The following TRAPPC10 variants were observed in gnomAD, a reference collection of about 807,000 sequenced individuals.
TRAPPC10 encodes trafficking protein particle complex subunit 10, also known as TRAPP 130 kDa subunit.
In TRAPPC10, 23 loss-of-function variants were observed where a neutral mutation model predicts 125.5. That is an observed-to-expected ratio of 0.18 (90% confidence interval 0.13 to 0.26). The LOEUF (loss-of-function observed/expected upper bound fraction) is 0.26, where lower values mean the gene tolerates loss of function less well. Ranked by LOEUF, TRAPPC10 falls within the 10% of genes least tolerant of loss-of-function variation. TRAPPC10 has a pLI of 1.00. For missense variants in TRAPPC10, 1,123 were observed against 1,308.4 expected, an observed-to-expected ratio of 0.86 and a Z score of 2.19; for synonymous variants, 509 against 518.0, an observed-to-expected ratio of 0.98 and a Z score of 0.24.
At chr21:44,047,847 A>G (rs558192836) in intron 3 of TRAPPC10, among the ~76,000 whole-genome samples, 1 of 152,276 alleles carries the variant, frequency 6.6e-6, no homozygotes, top group African/African-American at 2.4e-5. Context: ...TCTTCAACAT[A>G]TGAAATAACT....
intron 1 of TRAPPC10, among the ~76,000 whole-genome samples, chr21:44,015,058 CTAAT>C (rs1319085196): frequency 6.6e-6 from 1 of 152,146 alleles, no homozygotes; most frequent in African/African-American, 2.4e-5. Context: ...CACCCAGAGG[CTAAT>C]TAACCCTTAA....
intron 1 of TRAPPC10, among the ~76,000 whole-genome samples, chr21:44,031,078 G>T (rs776187749): frequency 2.0e-5 from 3 of 152,158 alleles, no homozygotes; most frequent in Non-Finnish European, 2.9e-5. Context: ...GGTTACCAGC[G>T]CCTTGCCCAC....
Position 44,056,671 on chromosome 21 carries a change from C to T in TRAPPC10, c.678+778C>T, listed in dbSNP as rs572008805. On this transcript the variant is annotated intron_variant, in intron 5 of 22. Transcript: ENST00000291574. ...TAAAGGGACATTAGACAACATAGCT[C>T]TCTTCAAGGGTGCCACGGCAGTGAA... Among the ~76,000 whole-genome samples, 5 of 152,316 alleles carry T rather than the reference C, an allele frequency of 3.3e-5. No individual in the cohort carries two copies. The East Asian group carries it at 9.6e-4, about 29-fold the overall frequency.
chr21:44,079,480 G>A, intron 11 of TRAPPC10, 84 bp from the exon 12 acceptor site: 1 of 1,484,640 alleles, frequency 6.7e-7, no homozygotes, highest in Non-Finnish European at 9.0e-7. Context: ...TCTGGAGGAT[G>A]GAGGCCAAAG....
intron 1 of TRAPPC10, among the ~76,000 whole-genome samples, chr21:44,031,341 C>T (rs1347013291): frequency 6.6e-6 from 1 of 151,982 alleles, no homozygotes; most frequent in African/African-American, 2.4e-5. Flanking sequence ...CTTTTTTAGC[C>T]GAAGTGTAAT....
intron 18 of TRAPPC10, 54 bp from the exon 19 acceptor site, chr21:44,091,869 T>A: frequency 6.4e-7 from 1 of 1,561,150 alleles, no homozygotes. Context: ...AGCTAAGATA[T>A]ATTTAATAAA....
chr21:44,042,660 T>C (rs1184091386), intron 3 of TRAPPC10, among the ~76,000 whole-genome samples: 1 of 152,228 alleles, frequency 6.6e-6, no homozygotes, highest in East Asian at 1.9e-4. Context: ...TTGTGTTGTT[T>C]AGGTCATTTA....
chr21:44,042,797 A>G (rs1447135311), intron 3 of TRAPPC10, among the ~76,000 whole-genome samples: 1 of 152,130 alleles, frequency 6.6e-6, no homozygotes, highest in African/African-American at 2.4e-5. Context: ...TGGTTGATGT[A>G]TTATTTGGTG....
intron 1 of TRAPPC10, among the ~76,000 whole-genome samples, chr21:44,013,168 C>A (rs1426138761): frequency 6.7e-6 from 1 of 148,308 alleles, no homozygotes; most frequent in African/African-American, 2.5e-5. Flanking sequence ...CCATGAACAG[C>A]CTCCCGCTCG....
chr21:44,023,344 A>C lies in TRAPPC10; in HGVS notation c.68-8747A>C, dbSNP rs1310758184. ...GCCACCGCGCCCGGCCTATGTAACC[A>C]TTTTCAAAGTGAGTTGGTTCACTGG... On this transcript the variant is annotated intron_variant, in intron 1 of 22. Transcript: ENST00000291574. 2.0e-5 allele frequency among the ~76,000 whole-genome samples: 3 copies of C among 151,772 alleles called. No homozygotes were observed. The East Asian group carries it at 5.8e-4, about 29-fold the overall frequency.
At chr21:44,085,101 T>C (rs1245089439) in intron 15 of TRAPPC10, among the ~76,000 whole-genome samples, 1 of 152,054 alleles carries the variant, frequency 6.6e-6, no homozygotes, top group Non-Finnish European at 1.5e-5. Context: ...AGCCCCTCTT[T>C]CCTCCCTGGA....
Position 44,055,698 on chromosome 21 carries a change from G to A in TRAPPC10, c.483G>A (p.Arg161=). ...AGATAGTCTGTTCATGTCTTTGCAG[G>A]TGTGTTGTGCTCTCCGACCCCTTGA... is the stretch of plus-strand genomic sequence containing the variant. ...RNDFCNKQSD[R]CVVLSDPLKD... The change falls in exon 5 of 23, where the codon AGG becomes AGA. Residue 161 remains arginine (R), a splice_region_variant and synonymous_variant. Transcript: ENST00000291574. 6.3e-7 allele frequency: 1 copy of A among 1,597,714 alleles called. No individual in the cohort carries two copies. The highest frequency in any genetic ancestry group is 8.6e-7 in the Non-Finnish European group (1 of 1,167,130).
intron 15 of TRAPPC10, among the ~76,000 whole-genome samples, chr21:44,085,748 C>A (rs2038083521): frequency 6.6e-6 from 1 of 151,886 alleles, no homozygotes; most frequent in African/African-American, 2.4e-5. Context: ...GTTGATTAAA[C>A]TTGTCCGTCT....
intron 4 of TRAPPC10, 38 bp downstream of exon 4, chr21:44,052,514 C>T (rs376962814): frequency 3.2e-6 from 5 of 1,544,532 alleles, no homozygotes; most frequent in African/African-American, 1.4e-5. Flanking sequence ...TTGGTTAATA[C>T]TTGACATGAT....
chr21:44,039,302 TAGTC>T (rs2145736755), intron 3 of TRAPPC10, among the ~76,000 whole-genome samples: 1 of 152,372 alleles, frequency 6.6e-6, no homozygotes, highest in African/African-American at 2.4e-5. Flanking sequence ...AGGCAGTGGT[TAGTC>T]AGTCACCTTT....
chr21:44,029,296 G>A (rs1001023885), intron 1 of TRAPPC10, among the ~76,000 whole-genome samples: 11 of 152,034 alleles, frequency 7.2e-5, no homozygotes, highest in Non-Finnish European at 1.6e-4. Context: ...GGGTTTCACC[G>A]TGTTGTCCAG....
At chr21:44,069,587 C>T (rs1264905205) in intron 7 of TRAPPC10, among the ~76,000 whole-genome samples, 2 of 152,088 alleles carry the variant, frequency 1.3e-5, no homozygotes, top group Non-Finnish European at 2.9e-5. Flanking sequence ...AGGCTGTTTG[C>T]GATATCTAAT....
chr21:44,089,821 C>T lies in TRAPPC10; in HGVS notation c.2770-12C>T, dbSNP rs1395250463. ...CGAGTGGTCTGAGAGTGTCTTTGTG[C>T]TTCCTCCTCAGGTGTCGATTGACTG... On this transcript the variant is annotated splice_polypyrimidine_tract_variant and intron_variant, in intron 17 of 22. Transcript: ENST00000291574. The T allele has an allele frequency of 3.1e-6, 5 of 1,609,676 alleles. No homozygotes were observed. In the African/African-American group the frequency reaches 4.0e-5, roughly 13 times the overall value.
At chr21:44,055,984 C>T (rs566397359) in intron 5 of TRAPPC10, 91 bp downstream of exon 5, 10 of 1,159,674 alleles carry the variant, frequency 8.6e-6, no homozygotes, top group South Asian at 4.0e-5. Flanking sequence ...AAGTAAGGCA[C>T]CTCTCGTGGT....
Sources: gnomAD v4.1 joint callset for allele counts (sites outside exome capture counted in the v4.1 genomes callset) on GRCh38, gnomAD v4.1.1 for gene constraint, MANE v1.5 for transcripts, NCBI Gene and HGNC (gene_info 2026-07-23, HGNC 2026-07-21) for gene names.